Variants in NCKAP5 observed in about 807,000 individuals in gnomAD.
The protein encoded by NCKAP5 is NCK associated protein 5.
NCKAP5 carries 92 observed loss-of-function variants against 167.0 expected under a neutral mutation model. That is an observed-to-expected ratio of 0.55 (90% CI 0.47 to 0.66). The LOEUF (loss-of-function observed/expected upper bound fraction) is 0.66. NCKAP5 is among the 30% of genes least tolerant of loss of function. NCKAP5 has a pLI of 0.00. For synonymous variants in NCKAP5, 891 were observed against 877.4 expected, an observed-to-expected ratio of 1.02 and a Z score of -0.27; for missense variants, 2,378 against 2,315.0, an observed-to-expected ratio of 1.03 and a Z score of -0.56.
intron 5 of NCKAP5, among the ~76,000 whole-genome samples, chr2:133,165,713 T>C (rs2149964132): frequency 6.6e-6 from 1 of 152,290 alleles, no homozygotes; most frequent in Non-Finnish European, 1.5e-5. Flanking sequence ...GCAAGGGTCT[T>C]GCCTTTAAGA....
rs1477473546 is a variant in NCKAP5, at chr2:133,115,806, T to C, written c.341+14172A>G. 9.0e-4 allele frequency among the ~76,000 whole-genome samples: 97 copies of C among 108,350 alleles called. 2 individuals carry two copies. The highest frequency in any genetic ancestry group is 4.0e-3 in the African/African-American group (89 of 22,490). 71.1% of individuals were successfully genotyped at this position (108,350 alleles called of 152,430 possible). A position where few individuals can be genotyped will look rare whatever the true frequency, so the allele number is the denominator to read the frequency against. On this transcript the variant is annotated intron_variant, in intron 6 of 19. Coordinates refer to ENST00000409261, the MANE Select transcript of NCKAP5 (RefSeq NM_207363.3). The stretch of plus-strand genomic sequence containing the variant: ...ATATATATATATATATATATATATA[T>C]ATATATATATAGTGTTCACACACAC...
chr2:133,329,728 C>A (rs187022339), intron 3 of NCKAP5, among the ~76,000 whole-genome samples: 6 of 152,106 alleles, frequency 3.9e-5, no homozygotes, highest in Admixed American at 1.3e-4. Flanking sequence ...GATTATGTAC[C>A]TTTTGTAACT....
chr2:133,128,818 G>C (rs953225276), intron 6 of NCKAP5, among the ~76,000 whole-genome samples: 1 of 152,008 alleles, frequency 6.6e-6, no homozygotes, highest in African/African-American at 2.4e-5. Flanking sequence ...GGCTGGTCTT[G>C]AACTCCTGAC....
chr2:133,649,209 A>G, the NCKAP5 span, among the ~76,000 whole-genome samples: 3 of 150,882 alleles, frequency 2.0e-5, no homozygotes, highest in Admixed American at 2.0e-4. Context: ...AAGTCTAAAC[A>G]GACCTATATC....
intron 6 of NCKAP5, among the ~76,000 whole-genome samples, chr2:133,013,892 G>A (rs2078248640): frequency 6.6e-6 from 1 of 152,150 alleles, no homozygotes; most frequent in South Asian, 2.1e-4. Context: ...ATGGCCTGGA[G>A]CATCTTTTCA....
chr2:133,116,849 A>G (rs1317290673), intron 6 of NCKAP5, among the ~76,000 whole-genome samples: 1 of 152,138 alleles, frequency 6.6e-6, no homozygotes, highest in Non-Finnish European at 1.5e-5. Context: ...ATGGATGCTA[A>G]TAGTTCCTCA....
At chr2:133,290,400 T>C (rs563415146) in intron 4 of NCKAP5, among the ~76,000 whole-genome samples, 83 of 152,312 alleles carry the variant, frequency 5.4e-4, no homozygotes, top group African/African-American at 1.7e-3. Flanking sequence ...TCATAATTGG[T>C]AGATCAACAG....
At chr2:132,977,308 A>G (rs1158009720) in intron 7 of NCKAP5, among the ~76,000 whole-genome samples, 1 of 152,218 alleles carries the variant, frequency 6.6e-6, no homozygotes, top group Non-Finnish European at 1.5e-5. Flanking sequence ...ACATTTTTTA[A>G]ACAAGTATTT....
At chr2:132,833,539 C>A (rs1332266919) in intron 11 of NCKAP5, among the ~76,000 whole-genome samples, 1 of 151,926 alleles carries the variant, frequency 6.6e-6, no homozygotes, top group African/African-American at 2.4e-5. Context: ...GATTTTTGTA[C>A]ATGGTGAGCG....
At chr2:133,325,138 C>T (rs1393202364) in intron 3 of NCKAP5, among the ~76,000 whole-genome samples, 1 of 152,284 alleles carries the variant, frequency 6.6e-6, no homozygotes, top group South Asian at 2.1e-4. Context: ...CCATCACTGC[C>T]GTATTCAATC....
chr2:133,225,500 G>C (rs942504633), intron 4 of NCKAP5, among the ~76,000 whole-genome samples: 1 of 152,176 alleles, frequency 6.6e-6, no homozygotes, highest in Admixed American at 6.5e-5. Context: ...AGGAGGTACT[G>C]ATGGAATCCC....
chr2:132,906,667 C>T (rs1694031708), intron 8 of NCKAP5, among the ~76,000 whole-genome samples: 1 of 152,156 alleles, frequency 6.6e-6, no homozygotes, highest in African/African-American at 2.4e-5. Flanking sequence ...CCTGGGCTTT[C>T]TTGACAACCA....
At chr2:133,236,889 G>A (rs904817676) in intron 4 of NCKAP5, among the ~76,000 whole-genome samples, 3 of 152,090 alleles carry the variant, frequency 2.0e-5, no homozygotes, top group Non-Finnish European at 4.4e-5. Flanking sequence ...GTCCACATAA[G>A]AGTAGAAATT....
At chr2:133,329,955 C>T (rs1030953355) in intron 3 of NCKAP5, among the ~76,000 whole-genome samples, 1 of 151,126 alleles carries the variant, frequency 6.6e-6, no homozygotes, top group African/African-American at 2.4e-5. Context: ...AACCTTTTAC[C>T]GGAGGGGCCA....
At chr2:133,118,448 C>T (rs1225541461) in intron 6 of NCKAP5, 1 of 152,164 alleles carries the variant, frequency 6.6e-6, no homozygotes, top group East Asian at 1.9e-4. Flanking sequence ...ATACCATCCA[C>T]AGTGAGGGTT....
intron 6 of NCKAP5, among the ~76,000 whole-genome samples, chr2:133,096,864 G>A (rs916715043): frequency 1.3e-5 from 2 of 152,162 alleles, no homozygotes. Flanking sequence ...TGATAACTTG[G>A]AGGCTGAACA....
intron 8 of NCKAP5, among the ~76,000 whole-genome samples, chr2:132,953,129 A>G (rs2076239805): frequency 6.6e-6 from 1 of 152,206 alleles, no homozygotes; most frequent in Non-Finnish European, 1.5e-5. Flanking sequence ...AACAGTGAGG[A>G]TTAAATAAAT....
At chr2:133,206,872 T>C (rs1433276076) in intron 5 of NCKAP5, among the ~76,000 whole-genome samples, 1 of 152,118 alleles carries the variant, frequency 6.6e-6, no homozygotes, top group Non-Finnish European at 1.5e-5. Context: ...GTCTGTCTTA[T>C]GCGGTTGAGA....
At chr2:133,539,244 A>G (rs1001342464) in intron 2 of NCKAP5, among the ~76,000 whole-genome samples, 11 of 151,612 alleles carry the variant, frequency 7.3e-5, no homozygotes, top group Non-Finnish European at 1.3e-4. Flanking sequence ...CTGGCCCCCC[A>G]GTTTTATATT....
Sources: allele counts gnomAD v4.1 joint callset (sites outside exome capture counted in the v4.1 genomes callset), GRCh38; gene constraint gnomAD v4.1.1; transcripts MANE v1.5; gene names NCBI Gene and HGNC (gene_info 2026-07-23, HGNC 2026-07-21).